The following SOX5 variants were observed in gnomAD, a reference collection of about 807,000 sequenced individuals.
SOX5 encodes the protein transcription factor SOX-5.
A neutral mutation model predicts 92.0 loss-of-function variants in SOX5; 9 were observed. The ratio of observed to expected loss-of-function variants is 0.10; its 90% CI spans 0.06 to 0.17. The LOEUF (loss-of-function observed/expected upper bound fraction) is 0.17. Ranked by LOEUF, SOX5 falls within the 10% of genes least tolerant of loss-of-function variation. The pLI, the probability that SOX5 is intolerant of heterozygous loss-of-function variation, is 1.00. For missense variants in SOX5, 642 were observed against 944.5 expected (o/e 0.68, Z 4.20); for synonymous variants, 344 against 336.3 (o/e 1.02, Z -0.25).
chr12:23,859,053 T>C (rs4506745), intron 2 of SOX5, among the ~76,000 whole-genome samples: 58,292 of 151,992 alleles, frequency 0.38, 12,170 homozygotes, highest in Non-Finnish European at 0.49. Context: ...CCTGTGATGA[T>C]TGCGTTAACT....
chr12:24,212,965 A>G (rs1469973841), intron 4 of SOX5, among the ~76,000 whole-genome samples: 1 of 152,156 alleles, frequency 6.6e-6, no homozygotes, highest in Non-Finnish European at 1.5e-5. Context: ...CCTCCCTACA[A>G]TTACATATTT....
In SOX5 at chr12:23,628,863, G is replaced by C. The variant is rs971288570; in HGVS notation, c.1017+11949C>G. 1.9e-4 allele frequency among the ~76,000 whole-genome samples: 29 copies of C among 151,390 alleles called. 1 individual carries two copies. The highest frequency in any genetic ancestry group is 4.0e-4 in the Non-Finnish European group (27 of 67,816). On this transcript the variant is annotated intron_variant, in intron 8 of 14. Transcript: ENST00000451604. ...ATAGGGCTCTATTTTCAAGTCTTGT[G>C]AAGACACTTGCCAACCAAACCCAGC...
intron 4 of SOX5, among the ~76,000 whole-genome samples, chr12:24,049,089 C>T (rs953094484): frequency 1.2e-4 from 19 of 152,134 alleles, no homozygotes; most frequent in African/African-American, 4.8e-5. Flanking sequence ...TTAGCATACA[C>T]GTCCTGAGGA....
intron 4 of SOX5, among the ~76,000 whole-genome samples, chr12:23,971,426 GCTGA>G (rs1948329486): frequency 6.6e-6 from 1 of 151,308 alleles, no homozygotes; most frequent in African/African-American, 2.4e-5. Context: ...CTGGCCATCA[GCTGA>G]CTCATTTTTA....
intron 6 of SOX5, among the ~76,000 whole-genome samples, chr12:23,697,131 T>C (rs1306234562): frequency 6.6e-6 from 1 of 152,198 alleles, no homozygotes; most frequent in Non-Finnish European, 1.5e-5. Context: ...TTAGTAATTT[T>C]CTAACTTCTT....
intron 1 of SOX5, among the ~76,000 whole-genome samples, chr12:24,510,661 T>A (rs1201167270): frequency 6.6e-6 from 1 of 152,236 alleles, no homozygotes. Context: ...CTGGAAATTC[T>A]GATAGTGCCT....
At chr12:23,782,318 C>T (rs1594373401) in intron 3 of SOX5, among the ~76,000 whole-genome samples, 1 of 151,968 alleles carries the variant, frequency 6.6e-6, no homozygotes, top group Admixed American at 6.6e-5. Context: ...TCCAAGAATT[C>T]GGTAGTAAAA....
At chr12:23,689,853 T>C (rs1460185564) in intron 6 of SOX5, among the ~76,000 whole-genome samples, 1 of 152,208 alleles carries the variant, frequency 6.6e-6, no homozygotes, top group African/African-American at 2.4e-5. Flanking sequence ...GAGATATGTT[T>C]AATTCAGAAA....
chr12:24,231,291 TA>T (rs1963345283), intron 3 of SOX5, among the ~76,000 whole-genome samples: 1 of 152,240 alleles, frequency 6.6e-6, no homozygotes, highest in Non-Finnish European at 1.5e-5. Context: ...ATGTTTAGAA[TA>T]ATCAGTGGAA....
At chr12:24,003,749 C>A (rs1253931626) in intron 4 of SOX5, among the ~76,000 whole-genome samples, 1 of 146,548 alleles carries the variant, frequency 6.8e-6, no homozygotes, top group Non-Finnish European at 1.5e-5. Flanking sequence ...TAAACATACT[C>A]CCTATAAAAA....
chr12:23,762,629 T>C, intron 3 of SOX5: 1 of 516,230 alleles, frequency 1.9e-6, no homozygotes, highest in Non-Finnish European at 3.4e-6. Context: ...AAAAAAAGTC[T>C]TTGGCTGACT....
At chr12:23,928,983 A>G (rs534170190) in intron 1 of SOX5, among the ~76,000 whole-genome samples, 1 of 151,710 alleles carries the variant, frequency 6.6e-6, no homozygotes, top group East Asian at 1.9e-4. Flanking sequence ...ATAATATCTG[A>G]AAGAAAATTA....
intron 1 of SOX5, among the ~76,000 whole-genome samples, chr12:24,420,303 T>TC (rs1202146325): frequency 6.6e-6 from 1 of 152,192 alleles, no homozygotes; most frequent in South Asian, 2.1e-4. Flanking sequence ...TGGAACAGGC[T>TC]ATGTACAGAT....
intron 4 of SOX5, among the ~76,000 whole-genome samples, chr12:24,030,453 C>G (rs1955373384): frequency 6.6e-6 from 1 of 151,856 alleles, no homozygotes; most frequent in African/African-American, 2.4e-5. Flanking sequence ...AACAGATAGT[C>G]TCTTCAATGA....
chr12:24,455,383 T>C (rs931337467), intron 1 of SOX5, among the ~76,000 whole-genome samples: 1 of 152,202 alleles, frequency 6.6e-6, no homozygotes, highest in Non-Finnish European at 1.5e-5. Flanking sequence ...ATACTGTATG[T>C]AAGCACTTTT....
chr12:23,838,426 T>G (rs148936478), intron 3 of SOX5, among the ~76,000 whole-genome samples: 1 of 151,864 alleles, frequency 6.6e-6, no homozygotes, highest in Non-Finnish European at 1.5e-5. Flanking sequence ...AGTCTATTTA[T>G]AGTTTTGTAT....
intron 1 of SOX5, among the ~76,000 whole-genome samples, chr12:24,532,362 C>A (rs966607791): frequency 1.2e-4 from 18 of 152,110 alleles, no homozygotes; most frequent in African/African-American, 3.6e-4. Flanking sequence ...GCAGACTGAC[C>A]CAAACAACTA....
chr12:24,222,160 C>T (rs1399031629), intron 3 of SOX5, among the ~76,000 whole-genome samples: 2 of 152,146 alleles, frequency 1.3e-5, no homozygotes, highest in Non-Finnish European at 2.9e-5. Flanking sequence ...CCTCTTTTCC[C>T]CCCCACCACC....
chr12:24,341,960 A>G (rs760551268), intron 2 of SOX5, among the ~76,000 whole-genome samples: 4 of 152,160 alleles, frequency 2.6e-5, no homozygotes, highest in Admixed American at 2.6e-4. Flanking sequence ...CTCCATCTTA[A>G]CTAATCCCCA....
Sources: allele counts gnomAD v4.1 joint callset (sites outside exome capture counted in the v4.1 genomes callset), GRCh38; gene constraint gnomAD v4.1.1; transcripts MANE v1.5; gene names NCBI Gene and HGNC (gene_info 2026-07-23, HGNC 2026-07-21).